PRKG1: variants seen among roughly 807,000 people sequenced by gnomAD.
The protein encoded by PRKG1 is protein kinase cGMP-dependent 1.
PRKG1 carries 35 observed loss-of-function variants against 88.1 expected under a neutral mutation model. That is an observed-to-expected ratio of 0.40 (90% CI 0.30 to 0.53). The LOEUF is 0.53. Ranked by LOEUF, PRKG1 falls within the 20% of genes least tolerant of loss-of-function variation. The probability of loss-of-function intolerance (pLI) is 0.59; values close to 1 mark genes in which losing one functional copy is unlikely to be tolerated. For missense variants in PRKG1, 540 were observed against 839.8 expected (o/e 0.64, Z 4.41); for synonymous variants, 303 against 292.5 (o/e 1.04, Z -0.37).
chr10:51,631,130 G>A (rs560907493), intron 3 of PRKG1, among the ~76,000 whole-genome samples: 42 of 152,280 alleles, frequency 2.8e-4, no homozygotes, highest in African/African-American at 9.9e-4. Context: ...AATTTAAGTA[G>A]TATTCTTGGT....
intron 1 of PRKG1, among the ~76,000 whole-genome samples, chr10:51,101,293 G>A (rs1037571886): frequency 1.1e-4 from 17 of 152,164 alleles, no homozygotes; most frequent in Admixed American, 7.9e-4. Flanking sequence ...TACCATGTAC[G>A]GACACAACAG....
intron 4 of PRKG1, among the ~76,000 whole-genome samples, chr10:51,806,158 G>A (rs1020422294): frequency 2.0e-5 from 3 of 152,124 alleles, no homozygotes; most frequent in Admixed American, 2.0e-4. Flanking sequence ...TTCTAGTGCA[G>A]CTCTGATAAA....
intron 5 of PRKG1, among the ~76,000 whole-genome samples, chr10:51,977,183 T>A (rs1181145158): frequency 1.3e-5 from 2 of 152,008 alleles, no homozygotes. Flanking sequence ...ATTCTCATCA[T>A]GTAGCTTTCA....
intron 1 of PRKG1, among the ~76,000 whole-genome samples, chr10:51,137,560 A>G (rs1423779390): frequency 6.6e-6 from 1 of 152,202 alleles, no homozygotes; most frequent in Non-Finnish European, 1.5e-5. Flanking sequence ...ATGACTCTGT[A>G]GAAACCTCAC....
chr10:52,094,209 G>A (rs1871081), intron 7 of PRKG1, among the ~76,000 whole-genome samples: 150,567 of 152,246 alleles, frequency 0.99, 74,480 homozygotes, highest in Middle Eastern at 1. Flanking sequence ...TTTAGGCACA[G>A]TGAAGGATTT....
At chr10:51,547,720 G>A (rs1842474798) in intron 3 of PRKG1, among the ~76,000 whole-genome samples, 1 of 152,130 alleles carries the variant, frequency 6.6e-6, no homozygotes, top group African/African-American at 2.4e-5. Flanking sequence ...CTATTATTAT[G>A]TTACCTGTAA....
intron 7 of PRKG1, among the ~76,000 whole-genome samples, chr10:52,107,321 A>T (rs1394753389): frequency 1.3e-5 from 2 of 152,244 alleles, no homozygotes; most frequent in Admixed American, 1.3e-4. Context: ...AACATGGGAA[A>T]AGATTGTAGT....
At chr10:52,053,229 A>C (rs1554797459) in intron 5 of PRKG1, among the ~76,000 whole-genome samples, 2 of 152,076 alleles carry the variant, frequency 1.3e-5, no homozygotes, top group Non-Finnish European at 2.9e-5. Flanking sequence ...AATAAGAAAT[A>C]CTTTTTTATT....
intron 2 of PRKG1, among the ~76,000 whole-genome samples, chr10:51,375,872 A>T (rs1007810062): frequency 3.9e-5 from 6 of 152,220 alleles, no homozygotes; most frequent in Non-Finnish European, 1.5e-5. Context: ...AGTAATTAAA[A>T]TGAGAGTGTA....
Position 51,728,400 on chromosome 10 carries a change from C to G in PRKG1, c.593-76185C>G, listed in dbSNP as rs58685827. On this transcript the variant is annotated intron_variant, in intron 3 of 17. Coordinates refer to ENST00000373980, the MANE Select transcript of PRKG1 (RefSeq NM_006258.4). ...ACAGAAGTTTCTTTGAAATTAGCAT[C>G]TTTAAAAATGTGCTCTTTACAACAA... Among the ~76,000 whole-genome samples the G allele has an allele frequency of 5.6e-5, 8 of 143,956 alleles. No homozygotes were observed. In the East Asian group the frequency reaches 1.8e-3, roughly 32 times the overall value. The allele number at this position is 143,956 out of a possible 152,430, so 94.4% of individuals were successfully genotyped here. A position where few individuals can be genotyped will look rare whatever the true frequency, so the allele number is the denominator to read the frequency against.
upstream of PRKG1, among the ~76,000 whole-genome samples, chr10:51,073,574 G>A (rs1843868441): frequency 6.6e-6 from 1 of 152,142 alleles, no homozygotes; most frequent in African/African-American, 2.4e-5. Context: ...GGCTCATGGG[G>A]AAGCTGAGTG....
chr10:51,170,784 G>A (rs1408153144), intron 2 of PRKG1, among the ~76,000 whole-genome samples: 1 of 150,666 alleles, frequency 6.6e-6, no homozygotes, highest in South Asian at 2.1e-4. Context: ...GGGGAGTTGG[G>A]TAACAAAACC....
chr10:51,015,673 G>A (rs1367875937), intron 1 of PRKG1, among the ~76,000 whole-genome samples: 1 of 152,176 alleles, frequency 6.6e-6, no homozygotes, highest in Non-Finnish European at 1.5e-5. Context: ...AATCATCTGA[G>A]GTCAGGAGTT....
chr10:52,158,756 A>C (rs890370140), intron 8 of PRKG1, among the ~76,000 whole-genome samples: 2 of 151,610 alleles, frequency 1.3e-5, no homozygotes, highest in Non-Finnish European at 3.0e-5. Flanking sequence ...TTCTAAGTAA[A>C]GATTATTTAT....
chr10:51,179,547 C>T (rs954510226), intron 2 of PRKG1, among the ~76,000 whole-genome samples: 6 of 152,148 alleles, frequency 3.9e-5, no homozygotes, highest in Admixed American at 6.5e-5. Context: ...GCCTGAAACC[C>T]GCAGAACCAC....
chr10:51,293,367 A>C (rs1394052641), intron 2 of PRKG1, among the ~76,000 whole-genome samples: 1 of 152,044 alleles, frequency 6.6e-6, no homozygotes, highest in Non-Finnish European at 1.5e-5. Context: ...GGCCAATAAC[A>C]CTTCATTTCC....
At chr10:51,313,543 G>A (rs774096596) in intron 2 of PRKG1, among the ~76,000 whole-genome samples, 69 of 152,228 alleles carry the variant, frequency 4.5e-4, no homozygotes, top group Non-Finnish European at 3.7e-4. Context: ...CTTCCAGCAC[G>A]AGAAAGAAGT....
chr10:51,165,991 T>C (rs1391466814), intron 2 of PRKG1, among the ~76,000 whole-genome samples: 1 of 152,174 alleles, frequency 6.6e-6, no homozygotes, highest in Non-Finnish European at 1.5e-5. Context: ...TAAGTTTTTT[T>C]TTTTCATTTT....
chr10:52,166,010 A>C (rs1361965958), intron 9 of PRKG1, among the ~76,000 whole-genome samples: 1 of 152,344 alleles, frequency 6.6e-6, no homozygotes, highest in South Asian at 2.1e-4. Flanking sequence ...TGTTCTTGGC[A>C]GAAATTTTGC....
Sources: allele counts gnomAD v4.1 joint callset (sites outside exome capture counted in the v4.1 genomes callset), GRCh38; gene constraint gnomAD v4.1.1; transcripts MANE v1.5; gene names NCBI Gene and HGNC (gene_info 2026-07-23, HGNC 2026-07-21).